KHDRBS2: variants seen among roughly 807,000 people sequenced by gnomAD.
The protein encoded by KHDRBS2 is KH domain-containing, RNA-binding, signal transduction-associated protein 2.
In KHDRBS2, 26 loss-of-function variants were observed where a neutral mutation model predicts 44.3. The ratio of observed to expected loss-of-function variants is 0.59; its 90% CI spans 0.43 to 0.81. The LOEUF is 0.81. Among genes scored for constraint, KHDRBS2 ranks in the 40% least tolerant of loss-of-function variants. The probability of loss-of-function intolerance (pLI) is 0.00; values close to 1 mark genes in which losing one functional copy is unlikely to be tolerated. For missense variants in KHDRBS2, 476 were observed against 433.1 expected, an observed-to-expected ratio of 1.10 and a Z score of -0.88; for synonymous variants, 194 against 151.1, an observed-to-expected ratio of 1.28 and a Z score of -2.08.
chr6:62,087,882 T>C (rs1798707493), intron 2 of KHDRBS2, among the ~76,000 whole-genome samples: 1 of 152,206 alleles, frequency 6.6e-6, no homozygotes, highest in Admixed American at 6.5e-5. Context: ...TTGGAGGCTT[T>C]GTTCATTCCT....
chr6:62,043,300 T>C (rs1340847639), intron 3 of KHDRBS2, among the ~76,000 whole-genome samples: 1 of 152,104 alleles, frequency 6.6e-6, no homozygotes, highest in Non-Finnish European at 1.5e-5. Context: ...CAGAAGCAAC[T>C]ACCAGTGAAA....
intron 7 of KHDRBS2, among the ~76,000 whole-genome samples, chr6:61,724,425 C>T (rs771239893): frequency 6.6e-6 from 1 of 152,060 alleles, no homozygotes; most frequent in Non-Finnish European, 1.5e-5. Context: ...AAATAATCAG[C>T]TAGCATCATG....
At chr6:61,549,865 G>A in the KHDRBS2 span, among the ~76,000 whole-genome samples, 1 of 151,940 alleles carries the variant, frequency 6.6e-6, no homozygotes, top group Admixed American at 6.6e-5. Flanking sequence ...AATCTATTAG[G>A]TTATATTCTA....
the KHDRBS2 span, among the ~76,000 whole-genome samples, chr6:61,642,660 CAAA>C: frequency 2.2e-4 from 29 of 134,762 alleles, no homozygotes; most frequent in Admixed American, 2.2e-4. Flanking sequence ...GACTCCACAT[CAAA>C]AAAAAAAAAA....
At chr6:61,599,475 T>A in the KHDRBS2 span, among the ~76,000 whole-genome samples, 2 of 151,856 alleles carry the variant, frequency 1.3e-5, no homozygotes, top group African/African-American at 2.4e-5. Flanking sequence ...CCCCAAAAAA[T>A]TTTCTCAAAA....
chr6:61,686,952 G>A (rs896689598), intron 8 of KHDRBS2, among the ~76,000 whole-genome samples: 3 of 151,590 alleles, frequency 2.0e-5, no homozygotes, highest in African/African-American at 7.2e-5. Flanking sequence ...AATGTGGGCC[G>A]CTTCAACTGA....
At chr6:61,628,321 T>C in the KHDRBS2 span, among the ~76,000 whole-genome samples, 266 of 147,448 alleles carry the variant, frequency 1.8e-3, no homozygotes, top group Admixed American at 3.4e-3. Flanking sequence ...GAAGTTCATC[T>C]TCCTCACACT....
At chr6:61,968,543 G>A (rs1770623892) in intron 4 of KHDRBS2, among the ~76,000 whole-genome samples, 1 of 152,014 alleles carries the variant, frequency 6.6e-6, no homozygotes, top group African/African-American at 2.4e-5. Context: ...TTGCACCTGT[G>A]TTACCACTAA....
intron 6 of KHDRBS2, among the ~76,000 whole-genome samples, chr6:61,880,415 T>C (rs192599508): frequency 7.6e-4 from 115 of 152,072 alleles, no homozygotes; most frequent in African/African-American, 2.7e-3. Flanking sequence ...CTAAGTGACA[T>C]ATGAAACAAT....
chr6:61,878,628 C>A (rs894717245), intron 6 of KHDRBS2, among the ~76,000 whole-genome samples: 1 of 151,974 alleles, frequency 6.6e-6, no homozygotes, highest in Non-Finnish European at 1.5e-5. Context: ...GCTTTCATAT[C>A]CAGCACAGGA....
At chr6:61,594,126 A>G in the KHDRBS2 span, among the ~76,000 whole-genome samples, 2 of 152,130 alleles carry the variant, frequency 1.3e-5, no homozygotes, top group African/African-American at 4.8e-5. Flanking sequence ...AAAGGTAAAC[A>G]TTTCAATTTT....
At chr6:61,620,449 C>T in the KHDRBS2 span, among the ~76,000 whole-genome samples, 4 of 152,192 alleles carry the variant, frequency 2.6e-5, no homozygotes, top group Non-Finnish European at 5.9e-5. Flanking sequence ...ATTGAAGAGT[C>T]AGCATGGCTT....
intron 6 of KHDRBS2, among the ~76,000 whole-genome samples, chr6:61,814,859 T>G (rs936776326): frequency 2.6e-5 from 4 of 152,080 alleles, no homozygotes; most frequent in African/African-American, 9.7e-5. Context: ...TTTTGGGGAT[T>G]GGTTTAAGGA....
downstream of KHDRBS2, among the ~76,000 whole-genome samples, chr6:61,675,556 A>T (rs1765882906): frequency 6.6e-6 from 1 of 151,806 alleles, no homozygotes; most frequent in East Asian, 1.9e-4. Flanking sequence ...AGTGAAAATT[A>T]TCTAAATATA....
intron 6 of KHDRBS2, among the ~76,000 whole-genome samples, chr6:61,802,937 C>A (rs556964065): frequency 6.6e-6 from 1 of 152,208 alleles, no homozygotes; most frequent in South Asian, 2.1e-4. Context: ...TAATGGCTCT[C>A]CACATCCTAA....
At chr6:61,871,465 CT>C (rs1562342432) in intron 6 of KHDRBS2, among the ~76,000 whole-genome samples, 2 of 152,132 alleles carry the variant, frequency 1.3e-5, no homozygotes, top group Non-Finnish European at 2.9e-5. Flanking sequence ...CTTCCCCAAC[CT>C]AGCAAGACAG....
At position 61,709,939 on chromosome 6, in the gene KHDRBS2, T is replaced by C. The variant is rs574496707; in HGVS notation, c.894-12686A>G. ...AGTTACTTCAATACTTTAATCTAGT[T>C]GACTTTGCTACTGAATTCATTGGTG... On this transcript the variant is annotated intron_variant, in intron 7 of 8. Transcript: ENST00000281156. Among the ~76,000 whole-genome samples, 9 of 151,836 alleles carry C rather than the reference T, an allele frequency of 5.9e-5. No homozygotes were observed. The East Asian group carries it at 1.8e-3, about 30-fold the overall frequency.
intron 4 of KHDRBS2, among the ~76,000 whole-genome samples, chr6:61,912,907 C>T (rs929503893): frequency 2.0e-5 from 3 of 152,130 alleles, no homozygotes; most frequent in Non-Finnish European, 4.4e-5. Context: ...CCGTCTCCAA[C>T]GCCATATCTC....
intron 6 of KHDRBS2, among the ~76,000 whole-genome samples, chr6:61,893,477 T>C (rs1802363953): frequency 1.3e-5 from 2 of 152,130 alleles, no homozygotes; most frequent in Admixed American, 6.5e-5. Context: ...CTATTCACAA[T>C]AGCAAAGACT....
Sources: allele counts gnomAD v4.1 joint callset (sites outside exome capture counted in the v4.1 genomes callset), GRCh38; gene constraint gnomAD v4.1.1; transcripts MANE v1.5; gene names NCBI Gene and HGNC (gene_info 2026-07-23, HGNC 2026-07-21).